PCDH9: variants seen among roughly 807,000 people sequenced by gnomAD.
PCDH9 encodes the protein protocadherin-9.
Under a neutral mutation model 70.6 loss-of-function variants are expected in PCDH9, and 24 were observed. The observed-to-expected ratio is 0.34, with a 90% CI of 0.25 to 0.48. The LOEUF is 0.48. Among genes scored for constraint, PCDH9 ranks in the 20% least tolerant of loss-of-function variants. PCDH9 has a pLI of 0.99. For missense variants in PCDH9, 1,281 were observed against 1,503.6 expected (o/e 0.85, Z 2.45); for synonymous variants, 562 against 558.5 (o/e 1.01, Z -0.09).
At chr13:66,725,101 C>A (rs190366439) in intron 3 of PCDH9, among the ~76,000 whole-genome samples, 175 of 152,246 alleles carry the variant, frequency 1.1e-3, no homozygotes, top group Non-Finnish European at 2.1e-3. Flanking sequence ...CACCCCCACA[C>A]TCCCTAAATG....
At position 66,386,303 on chromosome 13, in the gene PCDH9, T is replaced by G. The variant is rs113950807; in HGVS notation, c.3341-81275A>C. Among the ~76,000 whole-genome samples the G allele has an allele frequency of 2.3e-3, 344 of 152,232 alleles. 2 individuals are homozygous for G. The highest frequency in any genetic ancestry group is 7.7e-3 in the African/African-American group (320 of 41,554). On this transcript the variant is annotated intron_variant, in intron 4 of 4. Coordinates refer to ENST00000377865, the MANE Select transcript of PCDH9 (RefSeq NM_203487.3). ...CCCCTCTCCATTACTTAAGTTTGCT[T>G]TTTGGTGTTTTATTGTTTGAAAGTC...
At chr13:66,680,503 T>C (rs1016605907) in intron 3 of PCDH9, among the ~76,000 whole-genome samples, 1 of 152,042 alleles carries the variant, frequency 6.6e-6, no homozygotes, top group Non-Finnish European at 1.5e-5. Flanking sequence ...ATTGTATCCA[T>C]TGACTCTGTA....
chr13:66,854,536 A>C (rs2081363717), intron 3 of PCDH9, among the ~76,000 whole-genome samples: 1 of 152,126 alleles, frequency 6.6e-6, no homozygotes. Flanking sequence ...ACGGATGCAC[A>C]TGTTCCCAGC....
At chr13:67,116,834 C>T (rs568183779) in intron 2 of PCDH9, among the ~76,000 whole-genome samples, 1 of 152,222 alleles carries the variant, frequency 6.6e-6, no homozygotes, top group Admixed American at 6.5e-5. Flanking sequence ...CAACAACAAA[C>T]GCACCTTACA....
At chr13:66,641,915 C>G (rs1010970092) in intron 3 of PCDH9, among the ~76,000 whole-genome samples, 3 of 152,000 alleles carry the variant, frequency 2.0e-5, no homozygotes, top group African/African-American at 7.2e-5. Context: ...TTCTAACTGG[C>G]CTTCTTTTAA....
intron 4 of PCDH9, among the ~76,000 whole-genome samples, chr13:66,370,174 T>A (rs1956619935): frequency 6.6e-6 from 1 of 152,056 alleles, no homozygotes; most frequent in Non-Finnish European, 1.5e-5. Flanking sequence ...CCCTTTGAGA[T>A]GTAAATCTTC....
At chr13:66,720,429 C>G (rs549144684) in intron 3 of PCDH9, among the ~76,000 whole-genome samples, 2 of 150,932 alleles carry the variant, frequency 1.3e-5, no homozygotes, top group South Asian at 2.1e-4. Flanking sequence ...TTCCAAAGTG[C>G]TGGGATTACA....
chr13:66,746,796 T>A (rs760632137), intron 3 of PCDH9, among the ~76,000 whole-genome samples: 2 of 152,162 alleles, frequency 1.3e-5, no homozygotes, highest in Non-Finnish European at 2.9e-5. Context: ...GATTAAATTT[T>A]TTTTCATTAT....
At chr13:66,477,622 C>A (rs1179880119) in intron 4 of PCDH9, among the ~76,000 whole-genome samples, 3 of 152,056 alleles carry the variant, frequency 2.0e-5, no homozygotes, top group African/African-American at 7.2e-5. Flanking sequence ...TAATACCTAA[C>A]TCTGAGAGTG....
At chr13:67,028,327 C>T (rs1180008650) in intron 2 of PCDH9, among the ~76,000 whole-genome samples, 1 of 142,038 alleles carries the variant, frequency 7.0e-6, no homozygotes, top group East Asian at 2.1e-4. Flanking sequence ...AACAAAAAAC[C>T]AAACACCGCA....
intron 2 of PCDH9, among the ~76,000 whole-genome samples, chr13:67,034,001 T>C (rs1181054916): frequency 6.6e-6 from 1 of 152,184 alleles, no homozygotes; most frequent in Non-Finnish European, 1.5e-5. Flanking sequence ...TTTTTGTTTT[T>C]TGAGACAGAG....
intron 4 of PCDH9, among the ~76,000 whole-genome samples, chr13:66,349,346 T>C (rs1465772662): frequency 6.6e-6 from 1 of 152,234 alleles, no homozygotes. Flanking sequence ...TCTCGGTTTC[T>C]ATTATCTCCT....
intron 4 of PCDH9, among the ~76,000 whole-genome samples, chr13:66,440,999 T>C (rs1017993866): frequency 6.6e-6 from 1 of 152,176 alleles, no homozygotes; most frequent in African/African-American, 2.4e-5. Flanking sequence ...CTCAACTTCA[T>C]TCACCATGAT....
At chr13:67,165,284 T>C (rs1040541711) in intron 2 of PCDH9, among the ~76,000 whole-genome samples, 2 of 152,152 alleles carry the variant, frequency 1.3e-5, no homozygotes, top group Non-Finnish European at 2.9e-5. Flanking sequence ...TTGTACAAAA[T>C]GAGATCATAC....
At chr13:66,421,588 A>G (rs1170900300) in intron 4 of PCDH9, among the ~76,000 whole-genome samples, 1 of 152,218 alleles carries the variant, frequency 6.6e-6, no homozygotes, top group Non-Finnish European at 1.5e-5. Context: ...GGAGAAATAA[A>G]ATCTTTTACA....
intron 4 of PCDH9, among the ~76,000 whole-genome samples, chr13:66,604,644 C>T (rs749753266): frequency 2.0e-5 from 3 of 151,872 alleles, no homozygotes; most frequent in Non-Finnish European, 2.9e-5. Flanking sequence ...TAACTCAGTA[C>T]GTAATAACTT....
intron 4 of PCDH9, among the ~76,000 whole-genome samples, chr13:66,383,470 G>T (rs1490479361): frequency 6.6e-6 from 1 of 152,114 alleles, no homozygotes; most frequent in Non-Finnish European, 1.5e-5. Flanking sequence ...CTTGCTAATT[G>T]GTTGTAATTG....
chr13:66,471,210 C>T (rs887467730), intron 4 of PCDH9, among the ~76,000 whole-genome samples: 2 of 151,898 alleles, frequency 1.3e-5, no homozygotes, highest in Admixed American at 1.3e-4. Flanking sequence ...TTCGTACATG[C>T]CTTTTTTCAA....
At chr13:67,023,718 C>T (rs1462421536) in intron 2 of PCDH9, among the ~76,000 whole-genome samples, 1 of 151,998 alleles carries the variant, frequency 6.6e-6, no homozygotes, top group Non-Finnish European at 1.5e-5. Context: ...TGGCTAACCA[C>T]AGACCACAGG....
Sources: allele counts gnomAD v4.1 joint callset (sites outside exome capture counted in the v4.1 genomes callset), GRCh38; gene constraint gnomAD v4.1.1; transcripts MANE v1.5; gene names NCBI Gene and HGNC (gene_info 2026-07-23, HGNC 2026-07-21).